The following PRKG1 variants were observed in gnomAD, a reference collection of about 807,000 sequenced individuals.
The protein encoded by PRKG1 is cGMP-dependent protein kinase 1.
Under a neutral mutation model 88.1 loss-of-function variants are expected in PRKG1, and 35 were observed. The ratio of observed to expected loss-of-function variants is 0.40; its 90% CI spans 0.30 to 0.53. The LOEUF (loss-of-function observed/expected upper bound fraction) is 0.53, where lower values mean the gene tolerates loss of function less well. Ranked by LOEUF, PRKG1 falls within the 20% of genes least tolerant of loss-of-function variation. PRKG1 has a pLI of 0.59. For missense variants in PRKG1, 540 were observed against 839.8 expected (o/e 0.64, Z 4.41); for synonymous variants, 303 against 292.5 (o/e 1.04, Z -0.37).
At chr10:52,017,103 A>G (rs1845060237) in intron 5 of PRKG1, among the ~76,000 whole-genome samples, 1 of 152,172 alleles carries the variant, frequency 6.6e-6, no homozygotes, top group Non-Finnish European at 1.5e-5. Flanking sequence ...CTTGAGTATT[A>G]AGAGATTAAA....
chr10:51,543,882 A>G (rs1260729508), intron 3 of PRKG1, among the ~76,000 whole-genome samples: 1 of 152,154 alleles, frequency 6.6e-6, no homozygotes, highest in East Asian at 1.9e-4. Context: ...CTTAACAGGG[A>G]TTTGGAAAAC....
At chr10:51,856,774 G>T (rs546109964) in intron 4 of PRKG1, among the ~76,000 whole-genome samples, 166 of 151,826 alleles carry the variant, frequency 1.1e-3, no homozygotes, top group Non-Finnish European at 1.9e-3. Context: ...GACCATCCTG[G>T]CTAACACGGT....
intron 3 of PRKG1, among the ~76,000 whole-genome samples, chr10:51,655,962 C>T (rs1840150733): frequency 6.6e-6 from 1 of 152,070 alleles, no homozygotes; most frequent in Admixed American, 6.6e-5. Context: ...GATTTGGAGT[C>T]TTGGAGACAT....
intron 5 of PRKG1, among the ~76,000 whole-genome samples, chr10:52,040,981 C>T (rs968476485): frequency 5.9e-5 from 9 of 151,604 alleles, no homozygotes; most frequent in Admixed American, 2.6e-4. Flanking sequence ...GGATTACAGG[C>T]GCCCGCCACC....
At chr10:52,230,086 T>C (rs539756532) in intron 9 of PRKG1, among the ~76,000 whole-genome samples, 4 of 152,286 alleles carry the variant, frequency 2.6e-5, no homozygotes, top group South Asian at 2.1e-4. Flanking sequence ...AGGACCAACA[T>C]AAAAACACCA....
At chr10:51,418,745 AG>A (rs1169022062) in intron 2 of PRKG1, among the ~76,000 whole-genome samples, 2 of 152,168 alleles carry the variant, frequency 1.3e-5, no homozygotes, top group Non-Finnish European at 2.9e-5. Flanking sequence ...AGAAAACTAC[AG>A]TGGAGGGCTA....
At chr10:52,171,241 A>G (rs766832583) in intron 9 of PRKG1, among the ~76,000 whole-genome samples, 1 of 151,474 alleles carries the variant, frequency 6.6e-6, no homozygotes, top group Non-Finnish European at 1.5e-5. Flanking sequence ...TGATCTAAGC[A>G]ATTCTCAGGG....
intron 3 of PRKG1, among the ~76,000 whole-genome samples, chr10:51,710,975 G>A (rs1841732929): frequency 6.6e-6 from 1 of 152,186 alleles, no homozygotes; most frequent in South Asian, 2.1e-4. Flanking sequence ...GTGATTACAG[G>A]TATGAGCCAC....
intron 7 of PRKG1, among the ~76,000 whole-genome samples, chr10:52,121,622 G>T (rs1847821092): frequency 6.6e-6 from 1 of 152,182 alleles, no homozygotes; most frequent in African/African-American, 2.4e-5. Flanking sequence ...AAGCCCTAGG[G>T]CGTGGACATA....
chr10:52,228,382 C>T (rs1246675562), intron 9 of PRKG1, among the ~76,000 whole-genome samples: 1 of 151,966 alleles, frequency 6.6e-6, no homozygotes, highest in Admixed American at 6.6e-5. Flanking sequence ...AAGGAGGAGA[C>T]CTGAACTAAA....
intron 4 of PRKG1, among the ~76,000 whole-genome samples, chr10:51,880,520 G>A (rs1343109644): frequency 6.6e-6 from 1 of 152,100 alleles, no homozygotes; most frequent in Non-Finnish European, 1.5e-5. Context: ...GTTTCCTGTG[G>A]GGAATAAAGC....
chr10:52,293,591 A>C (rs1005177119), intron 17 of PRKG1, among the ~76,000 whole-genome samples: 9 of 152,138 alleles, frequency 5.9e-5, no homozygotes, highest in Non-Finnish European at 2.9e-5. Flanking sequence ...TGTTTTAATC[A>C]TACAGTTTAT....
chr10:51,074,646 G>A lies in PRKG1; in HGVS notation c.56G>A (p.Arg19Lys), dbSNP rs779102693. 8 of 1,613,984 alleles carry A rather than the reference G, an allele frequency of 5.0e-6. No individual in the cohort carries two copies. In the African/African-American group the frequency reaches 9.3e-5, roughly 19 times the overall value. Reference sequence around the variant, plus strand: ...CTCCAGGAGAAGATCGAGGAGCTGAGGCAGCGGGATGCTCTCATCGACGAG... The same window carrying A: ...CTCCAGGAGAAGATCGAGGAGCTGAAGCAGCGGGATGCTCTCATCGACGAG... ...YALQEKIEEL[R>K]QRDALIDELE... The change falls in exon 1 of 18, where the codon AGG becomes AAG. Residue 19 changes from arginine to lysine, a missense_variant. By Grantham distance (26) the Arg-to-Lys change is conservative. This residue lies in a region of PRKG1 where 15 missense variants were observed against 30.1 expected (regional missense o/e 0.50). Transcript: ENST00000373980.
chr10:51,997,954 CA>C (rs1320188946), intron 5 of PRKG1, among the ~76,000 whole-genome samples: 1 of 152,088 alleles, frequency 6.6e-6, no homozygotes, highest in East Asian at 1.9e-4. Flanking sequence ...TGATAGCAAG[CA>C]TCTTTTCCTC....
At chr10:52,198,905 A>G (rs1839584167) in intron 9 of PRKG1, among the ~76,000 whole-genome samples, 1 of 152,064 alleles carries the variant, frequency 6.6e-6, no homozygotes, top group Non-Finnish European at 1.5e-5. Context: ...GTCTATTTAC[A>G]GGTTCCAGGA....
intron 3 of PRKG1, among the ~76,000 whole-genome samples, chr10:51,546,642 A>G (rs1201834638): frequency 6.6e-6 from 1 of 152,112 alleles, no homozygotes; most frequent in Non-Finnish European, 1.5e-5. Context: ...ATGGTTTTCT[A>G]CGTACTTCCT....
chr10:51,551,694 A>G (rs1837139618), intron 3 of PRKG1, among the ~76,000 whole-genome samples: 1 of 151,740 alleles, frequency 6.6e-6, no homozygotes, highest in African/African-American at 2.4e-5. Flanking sequence ...AAAACTAATA[A>G]TTGAGTGAGA....
chr10:51,516,120 T>C (rs1023166995), intron 3 of PRKG1, among the ~76,000 whole-genome samples: 1 of 152,106 alleles, frequency 6.6e-6, no homozygotes, highest in African/African-American at 2.4e-5. Context: ...CGTGGATGAA[T>C]TGAAGGACGG....
chr10:52,046,530 A>G (rs1845867510), intron 5 of PRKG1, among the ~76,000 whole-genome samples: 1 of 152,172 alleles, frequency 6.6e-6, no homozygotes, highest in Non-Finnish European at 1.5e-5. Flanking sequence ...AATATGACAG[A>G]CACTGTGTTT....
Sources: gnomAD v4.1 joint callset for allele counts (sites outside exome capture counted in the v4.1 genomes callset) on GRCh38, gnomAD v4.1.1 for gene constraint, gnomAD v4.1.1 regional missense constraint, MANE v1.5 for transcripts, NCBI Gene and HGNC (gene_info 2026-07-23, HGNC 2026-07-21) for gene names.